Variants in SEM1 observed in about 807,000 individuals in gnomAD.
The protein encoded by SEM1 is 26S proteasome complex subunit SEM1.
A neutral mutation model predicts 12.7 loss-of-function variants in SEM1; 3 were observed. The observed-to-expected ratio is 0.24, with a 90% CI of 0.11 to 0.61. The LOEUF (loss-of-function observed/expected upper bound fraction) is 0.61. Among genes scored for constraint, SEM1 ranks in the 20% least tolerant of loss-of-function variants. SEM1 has a pLI of 0.88. For synonymous variants in SEM1, 30 were observed against 27.8 expected, an observed-to-expected ratio of 1.08 and a Z score of -0.25; for missense variants, 59 against 81.3, an observed-to-expected ratio of 0.73 and a Z score of 1.06.
intron 2 of SEM1, among the ~76,000 whole-genome samples, chr7:96,590,284 C>T (rs1397741856): frequency 1.3e-5 from 2 of 152,074 alleles, no homozygotes; most frequent in Non-Finnish European, 2.9e-5. Flanking sequence ...ATGTCCCAAA[C>T]ATTGCAGGGG....
rs548812034 is a variant in SEM1, at chr7:96,614,043, A to G, written c.170+80755T>C. Among the ~76,000 whole-genome samples, 19 of 152,314 alleles carry G rather than the reference A, an allele frequency of 1.2e-4. No individual in the cohort carries two copies. The South Asian group carries it at 1.9e-3, about 15-fold the overall frequency. ...ACATCTCTTCAACATACGAATTTCA[A>G]TTCCTTTGGATATATGTGCAGAAGT... On this transcript the variant is annotated intron_variant and NMD_transcript_variant, in intron 2 of 3. Transcript: ENST00000466986.
At chr7:96,595,702 TA>T (rs955534088) in intron 2 of SEM1, among the ~76,000 whole-genome samples, 1 of 152,212 alleles carries the variant, frequency 6.6e-6, no homozygotes, top group African/African-American at 2.4e-5. Context: ...TTTCAGCTTT[TA>T]AAAAATTGTT....
intron 2 of SEM1, among the ~76,000 whole-genome samples, 188 bp from the exon 3 acceptor site, chr7:96,689,154 T>C (rs1359206272): frequency 6.6e-6 from 1 of 152,140 alleles, no homozygotes; most frequent in Admixed American, 6.6e-5. Flanking sequence ...TATAATACTA[T>C]AAAATTTTGT....
chr7:96,586,186 A>C (rs911272077), intron 2 of SEM1, among the ~76,000 whole-genome samples: 1 of 152,118 alleles, frequency 6.6e-6, no homozygotes, highest in Non-Finnish European at 1.5e-5. Context: ...TCACTGACTC[A>C]AGGAAAAATA....
intron 2 of SEM1, among the ~76,000 whole-genome samples, chr7:96,578,715 TCATAGAAAGCATCTTCTGAGA>T (rs1313074486): frequency 6.6e-6 from 1 of 152,192 alleles, no homozygotes; most frequent in African/African-American, 2.4e-5. Context: ...AGAATTCTTT[TCATAGAAAGCATCTTCTGAGA>T]CAATCCTATT....
At chr7:96,693,740 G>A (rs1790000586) in intron 2 of SEM1, among the ~76,000 whole-genome samples, 1 of 147,610 alleles carries the variant, frequency 6.8e-6, no homozygotes, top group African/African-American at 2.5e-5. Flanking sequence ...TAGAATTAAC[G>A]TATGACCCAA....
intron 2 of SEM1, chr7:96,650,576 TAAC>T (rs749633484): frequency 3.3e-4 from 237 of 717,174 alleles, no homozygotes; most frequent in South Asian, 6.3e-4. Flanking sequence ...GATTTGTAAA[TAAC>T]AACAACAACA....
chr7:96,659,837 G>A (rs1266006812), intron 2 of SEM1, among the ~76,000 whole-genome samples: 1 of 142,012 alleles, frequency 7.0e-6, no homozygotes, highest in African/African-American at 2.6e-5. Context: ...ATCCCACCAA[G>A]CCCCCCAAAA....
At chr7:96,687,351 G>A (rs532752013), downstream of SEM1, among the ~76,000 whole-genome samples, 1 of 152,280 alleles carries the variant, frequency 6.6e-6, no homozygotes, top group East Asian at 1.9e-4. Flanking sequence ...GTTTATTGCA[G>A]CACTATTCAC....
chr7:96,564,284 A>G (rs1450725702), intron 2 of SEM1, among the ~76,000 whole-genome samples: 2 of 152,024 alleles, frequency 1.3e-5, no homozygotes, highest in Non-Finnish European at 2.9e-5. Context: ...AAATCAGGGT[A>G]GAACAAAGAG....
intron 2 of SEM1, among the ~76,000 whole-genome samples, chr7:96,513,068 T>C (rs780662325): frequency 7.9e-5 from 12 of 152,092 alleles, no homozygotes; most frequent in Non-Finnish European, 1.5e-4. Context: ...CGAGTTAAGA[T>C]GAGGTTATTA....
intron 2 of SEM1, among the ~76,000 whole-genome samples, chr7:96,561,748 G>A (rs1283905894): frequency 6.6e-6 from 1 of 152,196 alleles, no homozygotes. Context: ...ACCCATTAAA[G>A]ATGCGTTATA....
chr7:96,641,875 C>A (rs551550040), intron 2 of SEM1, among the ~76,000 whole-genome samples: 2 of 151,588 alleles, frequency 1.3e-5, no homozygotes, highest in East Asian at 3.9e-4. Context: ...TTTTTCCAAA[C>A]AAAATTAATA....
At chr7:96,661,141 T>C (rs1788988404) in intron 2 of SEM1, among the ~76,000 whole-genome samples, 1 of 152,174 alleles carries the variant, frequency 6.6e-6, no homozygotes, top group African/African-American at 2.4e-5. Flanking sequence ...AGAGGTTACA[T>C]AAGTTTACAC....
At chr7:96,610,104 GTTT>G (rs35778935) in intron 2 of SEM1, among the ~76,000 whole-genome samples, 3 of 145,548 alleles carry the variant, frequency 2.1e-5, no homozygotes, top group African/African-American at 7.5e-5. Flanking sequence ...ATTCCAGCAG[GTTT>G]TTTTTTTTTT....
chr7:96,578,186 G>C (rs1806268612), intron 2 of SEM1, among the ~76,000 whole-genome samples: 1 of 150,556 alleles, frequency 6.6e-6, no homozygotes, highest in Non-Finnish European at 1.5e-5. Flanking sequence ...TAGAATTGGG[G>C]AAAGACACAA....
chr7:96,673,682 A>G (rs1168287038), exon 3 of SEM1: 6 of 741,810 alleles, frequency 8.1e-6, no homozygotes, highest in Non-Finnish European at 1.5e-5. Context: ...CTAGTGCTCA[A>G]TAATAGCTCT....
downstream of SEM1, among the ~76,000 whole-genome samples, chr7:96,669,002 GA>G (rs1240872926): frequency 6.6e-6 from 1 of 152,144 alleles, no homozygotes; most frequent in Non-Finnish European, 1.5e-5. Flanking sequence ...AAATTAGGAA[GA>G]GACAAGGAAG....
At chr7:96,541,259 T>C (rs1464659046) in intron 2 of SEM1, among the ~76,000 whole-genome samples, 1 of 151,738 alleles carries the variant, frequency 6.6e-6, no homozygotes, top group Non-Finnish European at 1.5e-5. Flanking sequence ...TCTGCTGTTC[T>C]TGGACTTTTT....
Sources: gnomAD v4.1 joint callset for allele counts (sites outside exome capture counted in the v4.1 genomes callset) on GRCh38, gnomAD v4.1.1 for gene constraint, MANE v1.5 for transcripts, NCBI Gene and HGNC (gene_info 2026-07-23, HGNC 2026-07-21) for gene names.